BLTP2: variants seen among roughly 807,000 people sequenced by gnomAD.
BLTP2 encodes the protein U937-associated antigen.
the BLTP2 span, chr17:28,620,651 A>C: frequency 1.9e-6 from 3 of 1,611,450 alleles, no homozygotes; most frequent in Non-Finnish European, 1.7e-6. Flanking sequence ...GTTAGCAGCT[A>C]AATAAAAGGC....
At chr17:28,645,034 A>G in the BLTP2 span, 1 of 1,601,248 alleles carries the variant, frequency 6.2e-7, no homozygotes, top group South Asian at 1.1e-5. Flanking sequence ...CAAGACCAAC[A>G]GCGCGGAGAA....
chr17:28,633,678 C>T, the BLTP2 span: 1 of 1,614,112 alleles, frequency 6.2e-7, no homozygotes, highest in Non-Finnish European at 8.5e-7. Context: ...TCAAGAGGTC[C>T]ACACACTGGC....
chr17:28,614,640 G>A, the BLTP2 span: 3 of 153,090 alleles, frequency 2.0e-5, no homozygotes, highest in Admixed American at 2.0e-4. Context: ...ACATGACAGT[G>A]GAGTGAGGAT....
chr17:28,617,120 C>A, the BLTP2 span: 1 of 1,185,302 alleles, frequency 8.4e-7, no homozygotes, highest in South Asian at 1.3e-5. Flanking sequence ...CAAGCTTTCA[C>A]CCTCTCAGAT....
At chr17:28,628,302 G>A in the BLTP2 span, 2 of 1,614,180 alleles carry the variant, frequency 1.2e-6, no homozygotes, top group South Asian at 1.1e-5. Context: ...CACTGAAGCT[G>A]GGAGTGTTAA....
At chr17:28,632,524 G>C in the BLTP2 span, among the ~76,000 whole-genome samples, 1 of 152,082 alleles carries the variant, frequency 6.6e-6, no homozygotes, top group African/African-American at 2.4e-5. Context: ...GATCATGACG[G>C]TGGAGCCTTC....
At chr17:28,616,442 C>T in the BLTP2 span, 1 of 1,614,206 alleles carries the variant, frequency 6.2e-7, no homozygotes, top group African/African-American at 1.3e-5. This position sits in a 1 kb window ranked among gnomAD's most constrained non-coding sequence, Gnocchi z 4.8. Flanking sequence ...GTGCCACACC[C>T]TTCCCAGGGC....
the BLTP2 span, chr17:28,616,651 C>T: frequency 6.2e-7 from 1 of 1,614,260 alleles, no homozygotes; most frequent in African/African-American, 1.3e-5. This position sits in a 1 kb window ranked among gnomAD's most constrained non-coding sequence, Gnocchi z 4.8. Context: ...TCCTCTTCAT[C>T]ACCAACTTCA....
chr17:28,638,098 GAGA>G, the BLTP2 span: 28 of 1,613,122 alleles, frequency 1.7e-5, no homozygotes, highest in South Asian at 2.7e-4. Context: ...AGCTACCCTA[GAGA>G]AGAAGCAGAC....
At chr17:28,615,988 C>T in the BLTP2 span, 2 of 1,062,712 alleles carry the variant, frequency 1.9e-6, no homozygotes, top group Non-Finnish European at 2.9e-6. Flanking sequence ...AGATTTATCA[C>T]CCACAGCTCA....
At chr17:28,616,899 T>C in the BLTP2 span, 1 of 1,613,152 alleles carries the variant, frequency 6.2e-7, no homozygotes, top group Non-Finnish European at 8.5e-7. The surrounding 1 kb of genome is among the most constrained non-coding windows in gnomAD (Gnocchi z 4.8). Flanking sequence ...CTCAAAATGC[T>C]CCTTAACAGA....
chr17:28,622,397 T>C, the BLTP2 span, among the ~76,000 whole-genome samples: 6 of 152,120 alleles, frequency 3.9e-5, no homozygotes, highest in Non-Finnish European at 7.4e-5. Context: ...CCTAAGGTCC[T>C]TGATAAAAGA....
chr17:28,632,432 A>C, the BLTP2 span, among the ~76,000 whole-genome samples: 146 of 152,312 alleles, frequency 9.6e-4, no homozygotes, highest in Middle Eastern at 3.4e-3. Context: ...GCTATGGTCT[A>C]AATGTTTGCA....
At chr17:28,626,143 C>T in the BLTP2 span, among the ~76,000 whole-genome samples, 1 of 152,298 alleles carries the variant, frequency 6.6e-6, no homozygotes, top group Non-Finnish European at 1.5e-5. Flanking sequence ...CCTCTCCAAT[C>T]CTCCTACACA....
chr17:28,639,311 T>C, the BLTP2 span: 2 of 1,614,190 alleles, frequency 1.2e-6, no homozygotes, highest in East Asian at 2.2e-5. Context: ...AAGATCAGAC[T>C]GACCTTTTTT....
At chr17:28,632,226 G>A in the BLTP2 span, 2 of 1,599,394 alleles carry the variant, frequency 1.3e-6, no homozygotes, top group Non-Finnish European at 1.7e-6. Flanking sequence ...GCAGAATTCG[G>A]GGCTGGGATA....
chr17:28,643,014 ATAAT>A, the BLTP2 span: 3 of 1,522,834 alleles, frequency 2.0e-6, no homozygotes, highest in Non-Finnish European at 2.7e-6. Context: ...AGGATGAACA[ATAAT>A]TAATGTTAAG....
the BLTP2 span, chr17:28,637,079 C>A: frequency 1.2e-6 from 2 of 1,614,054 alleles, no homozygotes; most frequent in Admixed American, 1.7e-5. Context: ...TGACTGATTT[C>A]ACCAGCGCTA....
At chr17:28,637,445 T>C in the BLTP2 span, among the ~76,000 whole-genome samples, 1 of 152,194 alleles carries the variant, frequency 6.6e-6, no homozygotes, top group Non-Finnish European at 1.5e-5. Context: ...TATATGGATC[T>C]CTCTTGACTA....
Sources: allele counts gnomAD v4.1 joint callset (sites outside exome capture counted in the v4.1 genomes callset), GRCh38; gene constraint gnomAD v4.1.1; non-coding constraint Gnocchi (gnomAD v3.1); transcripts MANE v1.5; gene names NCBI Gene and HGNC (gene_info 2026-07-23, HGNC 2026-07-21).